Variants in CRB1 observed in about 807,000 individuals in gnomAD.
CRB1 encodes the protein protein crumbs homolog 1.
In CRB1, 83 loss-of-function variants were observed where a neutral mutation model predicts 120.0. The observed-to-expected ratio is 0.69, with a 90% CI of 0.58 to 0.83. The LOEUF (loss-of-function observed/expected upper bound fraction) is 0.83. CRB1 is among the 40% of genes least tolerant of loss of function. CRB1 has a pLI of 0.00. For missense variants in CRB1, 1,699 were observed against 1,687.6 expected, an observed-to-expected ratio of 1.01 and a Z score of -0.12; for synonymous variants, 625 against 612.5, an observed-to-expected ratio of 1.02 and a Z score of -0.30.
intron 4 of CRB1, among the ~76,000 whole-genome samples, chr1:197,354,801 C>G (rs931386975): frequency 9.3e-5 from 10 of 107,452 alleles, no homozygotes; most frequent in Middle Eastern, 9.7e-3. Flanking sequence ...TGCTTTTATT[C>G]CCTTATCTGC....
chr1:197,325,619 T>TTCAAATAACGCCAACCATATATG (rs1658450989), intron 1 of CRB1, among the ~76,000 whole-genome samples: 1 of 152,148 alleles, frequency 6.6e-6, no homozygotes, highest in Non-Finnish European at 1.5e-5. Flanking sequence ...CCATATATAT[T>TTCAAATAACGCCAACCATATATG]GAAAATAACA....
the CRB1 span, among the ~76,000 whole-genome samples, chr1:197,204,044 T>C: frequency 6.6e-6 from 1 of 152,188 alleles, no homozygotes; most frequent in African/African-American, 2.4e-5. Context: ...GAACATATGA[T>C]ATTTGGTTTT....
At chr1:197,257,470 C>T in the CRB1 span, among the ~76,000 whole-genome samples, 4 of 152,114 alleles carry the variant, frequency 2.6e-5, no homozygotes, top group African/African-American at 9.7e-5. Context: ...CTCAATTGGT[C>T]CTCATCTACT....
chr1:197,304,306 A>G, intron 1 of CRB1: 1 of 580,784 alleles, frequency 1.7e-6, no homozygotes, highest in Non-Finnish European at 2.2e-6. Context: ...TGATTTTCTA[A>G]TGGTTACATT....
At chr1:197,308,659 A>C (rs540961871) in intron 1 of CRB1, among the ~76,000 whole-genome samples, 3 of 152,156 alleles carry the variant, frequency 2.0e-5, no homozygotes, top group Admixed American at 2.0e-4. Flanking sequence ...AGAGAATAAA[A>C]AGATTTATCT....
the CRB1 span, among the ~76,000 whole-genome samples, chr1:197,209,970 T>C: frequency 6.6e-6 from 1 of 152,206 alleles, no homozygotes; most frequent in Admixed American, 6.5e-5. Context: ...TTTCAAAGGG[T>C]CTGTGAATTA....
At chr1:197,215,262 GA>G in the CRB1 span, among the ~76,000 whole-genome samples, 2 of 148,058 alleles carry the variant, frequency 1.4e-5, no homozygotes, top group Non-Finnish European at 3.0e-5. Flanking sequence ...ACATGGGAGG[GA>G]GCCAGTGGGA....
At chr1:197,317,285 G>A (rs1011719620) in intron 1 of CRB1, among the ~76,000 whole-genome samples, 8 of 152,256 alleles carry the variant, frequency 5.3e-5, no homozygotes, top group African/African-American at 1.9e-4. Flanking sequence ...TGGTGTGGTG[G>A]CACATGCCTG....
chr1:197,469,256 T>G (rs1423995731), intron 11 of CRB1, among the ~76,000 whole-genome samples: 1 of 152,178 alleles, frequency 6.6e-6, no homozygotes, highest in Admixed American at 6.5e-5. Context: ...ATTGGCAATT[T>G]ATATTTGATA....
the CRB1 span, among the ~76,000 whole-genome samples, chr1:197,243,000 C>T: frequency 6.6e-6 from 1 of 152,074 alleles, no homozygotes. Flanking sequence ...GTTTGTATTT[C>T]TGTGGTATCA....
At chr1:197,218,111 TA>T in the CRB1 span, among the ~76,000 whole-genome samples, 3 of 152,154 alleles carry the variant, frequency 2.0e-5, no homozygotes, top group African/African-American at 7.2e-5. Context: ...AAAAGTACCA[TA>T]AAGAGAGCAG....
chr1:197,398,521 A>C (rs1432912697), intron 5 of CRB1, among the ~76,000 whole-genome samples: 1 of 152,150 alleles, frequency 6.6e-6, no homozygotes, highest in Admixed American at 6.5e-5. Flanking sequence ...GGATAGATTA[A>C]AGAGATGTAG....
Position 197,293,364 on chromosome 1 carries a change from AGGACC to A in CRB1, c.70+24883_70+24887del, listed in dbSNP as rs1656315261. Among the ~76,000 whole-genome samples, 3 of 152,316 alleles carry A rather than the reference AGGACC, an allele frequency of 2.0e-5. No homozygotes were observed. In the South Asian group the frequency reaches 6.2e-4, roughly 32 times the overall value. ...GGAAACCAACTTACAAAGGACGTGA[AGGACC>A]TCTTCAAGGAGAACTACAAACCACT... On this transcript the variant is annotated intron_variant, in intron 1 of 11. Transcript: ENST00000367400.
the CRB1 span, among the ~76,000 whole-genome samples, chr1:197,215,243 C>A: frequency 6.6e-6 from 1 of 151,674 alleles, no homozygotes; most frequent in South Asian, 2.1e-4. Context: ...TTCCCATAAT[C>A]CCCAAGTGAC....
At chr1:197,377,186 G>A (rs1323227340) in intron 5 of CRB1, among the ~76,000 whole-genome samples, 1 of 151,860 alleles carries the variant, frequency 6.6e-6, no homozygotes, top group Non-Finnish European at 1.5e-5. Context: ...TTATCACTGT[G>A]TGATCTTACG....
intron 5 of CRB1, among the ~76,000 whole-genome samples, chr1:197,400,225 C>T (rs758183859): frequency 2.6e-5 from 4 of 151,762 alleles, no homozygotes; most frequent in South Asian, 2.1e-4. Context: ...TGCAATTAAC[C>T]GGAGTAACCA....
At chr1:197,312,375 C>A (rs1657582366) in intron 1 of CRB1, among the ~76,000 whole-genome samples, 2 of 152,068 alleles carry the variant, frequency 1.3e-5, no homozygotes. Context: ...ATAAGCCTGG[C>A]CAACATGGTG....
intron 1 of CRB1, among the ~76,000 whole-genome samples, chr1:197,271,707 C>G (rs922135107): frequency 3.3e-5 from 5 of 152,076 alleles, no homozygotes; most frequent in African/African-American, 9.7e-5. Flanking sequence ...TAAATAATAA[C>G]AGTACTTTAT....
At chr1:197,361,217 G>A (rs1484120532) in intron 5 of CRB1, among the ~76,000 whole-genome samples, 1 of 143,804 alleles carries the variant, frequency 7.0e-6, no homozygotes, top group African/African-American at 2.6e-5. Flanking sequence ...TTTTTGTACT[G>A]TCTTTGTCTG....
Sources: allele counts gnomAD v4.1 joint callset (sites outside exome capture counted in the v4.1 genomes callset), GRCh38; gene constraint gnomAD v4.1.1; transcripts MANE v1.5; gene names NCBI Gene and HGNC (gene_info 2026-07-23, HGNC 2026-07-21).